The following CRYBB1 variants were observed in gnomAD, a reference collection of about 807,000 sequenced individuals.
The protein encoded by CRYBB1 is beta-crystallin B1.
In CRYBB1, 16 loss-of-function variants were observed where a neutral mutation model predicts 29.5. The observed-to-expected ratio is 0.54, with a 90% confidence interval of 0.37 to 0.82. The LOEUF is 0.82. Among genes scored for constraint, CRYBB1 ranks in the 40% least tolerant of loss-of-function variants. CRYBB1 has a pLI of 0.00. For synonymous variants in CRYBB1, 127 were observed against 136.7 expected, an observed-to-expected ratio of 0.93 and a Z score of 0.49; for missense variants, 300 against 350.5, an observed-to-expected ratio of 0.86 and a Z score of 1.15.
At position 26,607,957 on chromosome 22, in the gene CRYBB1, G is replaced by A; in HGVS notation, c.364C>T (p.Pro122Ser). The A allele has an allele frequency of 6.2e-7, 1 of 1,614,214 alleles. No homozygotes were observed. Among genetic ancestry groups the A allele is most frequent in the South Asian group, 1.1e-5 (1 of 91,088 alleles). The change falls in exon 4 of 6, where the codon CCT (proline) becomes TCT (serine). Residue 122 changes from proline (P) to serine (S), a missense_variant. Transcript: ENST00000647684. ...CTGCTCGACCATGTGTTCCAGCGAGGGTACTCGCCCTTCTCCAGGATGAAC... is the reference window on the plus strand; with the variant it reads ...CTGCTCGACCATGTGTTCCAGCGAGAGTACTCGCCCTTCTCCAGGATGAAC... ...EMFILEKGEY[P>S]RWNTWSSSYR...
intron 4 of CRYBB1, 55 bp downstream of exon 4, chr22:26,607,834 C>T (rs1168863679): frequency 8.1e-6 from 13 of 1,610,610 alleles, no homozygotes; most frequent in African/African-American, 1.3e-5. Flanking sequence ...CTCAGACTTA[C>T]ACCTGCCCTG....
chr22:26,615,662 C>A (rs559757602), intron 2 of CRYBB1, among the ~76,000 whole-genome samples: 2 of 152,168 alleles, frequency 1.3e-5, no homozygotes, highest in South Asian at 4.2e-4. Flanking sequence ...TACAGGCGCC[C>A]ACCACTACGC....
intron 1 of CRYBB1, among the ~76,000 whole-genome samples, chr22:26,616,784 G>A (rs1468724435): frequency 1.3e-5 from 2 of 152,194 alleles, no homozygotes; most frequent in African/African-American, 2.4e-5. Flanking sequence ...ACCCGATGGA[G>A]TAGCTGCTAT....
intron 2 of CRYBB1, among the ~76,000 whole-genome samples, chr22:26,614,734 A>G (rs1602331674): frequency 6.6e-6 from 1 of 152,192 alleles, no homozygotes; most frequent in Non-Finnish European, 1.5e-5. Context: ...GCTCACACCT[A>G]TAATTCCAGC....
chr22:26,602,160 T>A, intron 4 of CRYBB1, 139 bp from the exon 5 acceptor site: 1 of 1,088,628 alleles, frequency 9.2e-7, no homozygotes, highest in East Asian at 2.5e-5. Context: ...ACCACTGCTG[T>A]CTAGTCTGGA....
At chr22:26,617,612 C>A (rs1929398618) in intron 1 of CRYBB1, among the ~76,000 whole-genome samples, 1 of 151,984 alleles carries the variant, frequency 6.6e-6, no homozygotes, top group Non-Finnish European at 1.5e-5. Flanking sequence ...CCCTCTGTTC[C>A]TCCTCTCTTC....
At chr22:26,611,678 G>T (rs959099392) in intron 3 of CRYBB1, among the ~76,000 whole-genome samples, 1 of 151,966 alleles carries the variant, frequency 6.6e-6, no homozygotes, top group Non-Finnish European at 1.5e-5. Flanking sequence ...GTTTCACCTT[G>T]TTAGCCAGGA....
At chr22:26,600,294 C>A (rs938637098) in intron 5 of CRYBB1, among the ~76,000 whole-genome samples, 1 of 151,670 alleles carries the variant, frequency 6.6e-6, no homozygotes, top group East Asian at 1.9e-4. Context: ...CCCAGCTACT[C>A]GGGAGACTGA....
chr22:26,616,765 A>G (rs906268519), intron 1 of CRYBB1, among the ~76,000 whole-genome samples: 1 of 152,208 alleles, frequency 6.6e-6, no homozygotes, highest in African/African-American at 2.4e-5. Flanking sequence ...CCATCTGACC[A>G]TGAACCTCAC....
At chr22:26,601,821 C>G in intron 5 of CRYBB1, 58 bp downstream of exon 5, 2 of 1,609,894 alleles carry the variant, frequency 1.2e-6, no homozygotes, top group South Asian at 1.1e-5. Flanking sequence ...GGGGAGCAGC[C>G]TCTGATTCTG....
chr22:26,616,399 C>T (rs1270521907), intron 1 of CRYBB1, 61 bp from the exon 2 acceptor site: 6 of 1,128,792 alleles, frequency 5.3e-6, no homozygotes, highest in Non-Finnish European at 7.9e-6. Context: ...CCCTCATAGC[C>T]CCACATCCTG....
At chr22:26,601,786 A>G (rs1194379462) in intron 5 of CRYBB1, 93 bp downstream of exon 5, 13 of 1,591,018 alleles carry the variant, frequency 8.2e-6, no homozygotes, top group Non-Finnish European at 1.1e-5. Context: ...GGCCTTCTCT[A>G]GGAATCTGAT....
At chr22:26,612,343 A>G (rs1363592134) in intron 2 of CRYBB1, among the ~76,000 whole-genome samples, 153 bp from the exon 3 acceptor site, 1 of 151,928 alleles carries the variant, frequency 6.6e-6, no homozygotes, top group Non-Finnish European at 1.5e-5. Context: ...CCATCCCCCA[A>G]TTCTTTACTG....
chr22:26,611,845 A>G (rs890107292), intron 3 of CRYBB1, among the ~76,000 whole-genome samples: 4 of 152,122 alleles, frequency 2.6e-5, no homozygotes, highest in African/African-American at 7.2e-5. Context: ...TGCCAGTGTG[A>G]TCTTATGCTA....
At chr22:26,615,605 C>G (rs1473678434) in intron 2 of CRYBB1, among the ~76,000 whole-genome samples, 2 of 152,090 alleles carry the variant, frequency 1.3e-5, no homozygotes, top group African/African-American at 4.8e-5. Flanking sequence ...CCTCCGCCTC[C>G]TGGGTTCAAG....
chr22:26,614,273 T>C (rs138002072), intron 2 of CRYBB1, among the ~76,000 whole-genome samples: 2,239 of 152,304 alleles, frequency 0.015, 24 homozygotes, highest in Non-Finnish European at 0.021. Flanking sequence ...TGAAACTCCC[T>C]AATAAAAACT....
chr22:26,600,268 G>T (rs370635011), intron 5 of CRYBB1, among the ~76,000 whole-genome samples: 1 of 152,100 alleles, frequency 6.6e-6, no homozygotes, highest in African/African-American at 2.4e-5. Flanking sequence ...AGGGTGTGGT[G>T]GTGGGCACCT....
chr22:26,603,125 C>CAAAAAAAAAAAAAAAAAAAAAAAAAAAAA (rs779127242), intron 4 of CRYBB1, among the ~76,000 whole-genome samples: 1 of 69,352 alleles, frequency 1.4e-5, no homozygotes. Flanking sequence ...GACTCCGTCT[C>CAAAAAAAAAAAAAAAAAAAAAAAAAAAAA]AAAAAAAAAA....
Position 26,607,875 on chromosome 22 carries a change from G to A in CRYBB1, c.432+14C>T, listed in dbSNP as rs375670433. ...CCTGGCTGATTCTCCAGCCCCAGCC[G>A]GAGAGCCACTCACCATTTTGATGGG... is the stretch of plus-strand genomic sequence containing the variant. On this transcript the variant is annotated intron_variant, in intron 4 of 5. Transcript: ENST00000647684. The A allele has an allele frequency of 3.2e-5, 51 of 1,613,950 alleles. No homozygotes were observed. Among genetic ancestry groups the A allele is most frequent in the African/African-American group, 1.1e-4 (8 of 74,922 alleles).
Sources: allele counts gnomAD v4.1 joint callset (sites outside exome capture counted in the v4.1 genomes callset), GRCh38; gene constraint gnomAD v4.1.1; transcripts MANE v1.5; gene names NCBI Gene and HGNC (gene_info 2026-07-23, HGNC 2026-07-21).